Variants in TACC1 observed in about 807,000 individuals in gnomAD.
TACC1 encodes the protein transforming acidic coiled-coil containing protein 1.
A neutral mutation model predicts 84.4 loss-of-function variants in TACC1; 48 were observed. The ratio of observed to expected loss-of-function variants is 0.57; its 90% CI spans 0.45 to 0.72. The LOEUF is 0.72. Ranked by LOEUF, TACC1 falls within the 30% of genes least tolerant of loss-of-function variation. The probability of loss-of-function intolerance (pLI) is 0.00; values close to 1 mark genes in which losing one functional copy is unlikely to be tolerated. For missense variants in TACC1, 920 were observed against 973.0 expected, an observed-to-expected ratio of 0.95 and a Z score of 0.72; for synonymous variants, 372 against 376.3, an observed-to-expected ratio of 0.99 and a Z score of 0.13.
At chr8:38,786,938 G>T (rs1482540037), upstream of TACC1, among the ~76,000 whole-genome samples, 1 of 152,038 alleles carries the variant, frequency 6.6e-6, no homozygotes, top group African/African-American at 2.4e-5. Context: ...AAGGAATAAG[G>T]AAAGAGGAAG....
In TACC1 at chr8:38,820,035, A is replaced by G. The variant is rs777213190; in HGVS notation, c.791A>G (p.Tyr264Cys). 2.3e-5 allele frequency: 37 copies of G among 1,613,962 alleles called. No individual in the cohort carries two copies. Among genetic ancestry groups the G allele is most frequent in the Non-Finnish European group, 2.9e-5 (34 of 1,180,040 alleles). Residue 264 changes from tyrosine (Y) to cysteine (C), a missense_variant, in exon 3 of 13, where the codon TAT becomes TGT. Around this residue, in one of 2 missense-constraint regions of TACC1, gnomAD observed 762 missense variants for 747.3 expected, o/e 1.02. Transcript: ENST00000317827. ...VEGTPLPKASYHFSPEELDEN... is the reference protein window; with the variant it reads ...VEGTPLPKASCHFSPEELDEN... ...GGCACACCTCTCCCCAAGGCATCCTATCACTTCAGTCCTGAAGAGTTGGAT... is the reference window on the plus strand; with the variant it reads ...GGCACACCTCTCCCCAAGGCATCCTGTCACTTCAGTCCTGAAGAGTTGGAT...
In TACC1 at chr8:38,819,539, G is replaced by A. The variant is rs1826182171; in HGVS notation, c.295G>A (p.Glu99Lys). Residue 99 changes from glutamate (E) to lysine (K), a missense_variant, in exon 3 of 13, where the codon GAA becomes AAA. By Grantham distance (56) the Glu-to-Lys change is moderately conservative. Around this residue, in one of 2 missense-constraint regions of TACC1, gnomAD observed 762 missense variants for 747.3 expected, o/e 1.02. Coordinates refer to ENST00000317827, the MANE Select transcript of TACC1 (RefSeq NM_006283.3). ...AKSQESQEAD[E>K]QLVAEVVEKC... The stretch of plus-strand genomic sequence containing the variant: ...CATTTTAGAATCACAAGAAGCTGAT[G>A]AACAGCTTGTAGCAGAAGTGGTTGA... 2 of 1,607,384 alleles carry A rather than the reference G, an allele frequency of 1.2e-6. No individual in the cohort carries two copies. Among genetic ancestry groups the A allele is most frequent in the African/African-American group, 1.3e-5 (1 of 74,748 alleles).
chr8:38,747,599 A>C (rs1330774843), intron 3 of TACC1, among the ~76,000 whole-genome samples: 2 of 152,214 alleles, frequency 1.3e-5, no homozygotes, highest in East Asian at 3.8e-4. Flanking sequence ...AGCCAATTTG[A>C]AAGGGCTGTG....
chr8:38,774,668 T>C (rs1194970393), intron 3 of TACC1, among the ~76,000 whole-genome samples: 3 of 152,142 alleles, frequency 2.0e-5, no homozygotes, highest in Non-Finnish European at 4.4e-5. Flanking sequence ...AATTTTTTTT[T>C]GTTTTTGTTT....
intron 9 of TACC1, 141 bp downstream of exon 9, chr8:38,840,408 A>G (rs1175570437): frequency 1.0e-5 from 7 of 687,102 alleles, no homozygotes; most frequent in Non-Finnish European, 2.4e-6. Flanking sequence ...GGAGAGTTCA[A>G]GGTGCCCACA....
chr8:38,783,106 C>A (rs7817361), upstream of TACC1, among the ~76,000 whole-genome samples: 6,326 of 86,782 alleles, frequency 0.073, 156 homozygotes, highest in East Asian at 0.12. Flanking sequence ...ATCTATCTAT[C>A]TATATATATA....
intron 2 of TACC1, among the ~76,000 whole-genome samples, chr8:38,809,863 A>G (rs974729720): frequency 6.6e-6 from 1 of 152,172 alleles, no homozygotes; most frequent in Non-Finnish European, 1.5e-5. Flanking sequence ...GTTTTCTGGA[A>G]GCTGTAGGGA....
At chr8:38,837,253 A>T (rs1343763381) in intron 7 of TACC1, among the ~76,000 whole-genome samples, 4 of 59,144 alleles carry the variant, frequency 6.8e-5, no homozygotes, top group African/African-American at 1.8e-4. Flanking sequence ...CATCTCTACT[A>T]AAAAAAAAAA....
chr8:38,781,175 C>A (rs1815874833), intron 3 of TACC1, among the ~76,000 whole-genome samples: 1 of 152,034 alleles, frequency 6.6e-6, no homozygotes, highest in South Asian at 2.1e-4. Flanking sequence ...TTCTTAGTGA[C>A]AAGAAGACGT....
At chr8:38,784,498 G>A, upstream of TACC1, among the ~76,000 whole-genome samples, 1 of 152,006 alleles carries the variant, frequency 6.6e-6, no homozygotes, top group East Asian at 1.9e-4. Context: ...AACCCAGGAG[G>A]CGGAGGTTGC....
chr8:38,766,977 G>A (rs1329221735), intron 3 of TACC1, among the ~76,000 whole-genome samples: 1 of 152,184 alleles, frequency 6.6e-6, no homozygotes, highest in Non-Finnish European at 1.5e-5. Context: ...GTAAATGTTT[G>A]AGAAAACATC....
At chr8:38,766,404 G>C (rs1238111625) in intron 3 of TACC1, among the ~76,000 whole-genome samples, 1 of 152,194 alleles carries the variant, frequency 6.6e-6, no homozygotes, top group Non-Finnish European at 1.5e-5. Context: ...TTAGAGTCCT[G>C]TCTATTTTTG....
chr8:38,786,193 C>T (rs1270631584), upstream of TACC1, among the ~76,000 whole-genome samples: 1 of 152,110 alleles, frequency 6.6e-6, no homozygotes, highest in East Asian at 1.9e-4. Context: ...ATCATTAAGC[C>T]TGGTGTTTGA....
intron 6 of TACC1, among the ~76,000 whole-genome samples, chr8:38,831,608 A>G (rs1588076731): frequency 6.6e-6 from 1 of 151,978 alleles, no homozygotes; most frequent in African/African-American, 2.4e-5. Flanking sequence ...TGATCCTTCT[A>G]CCACAGCCTC....
At chr8:38,764,283 G>T (rs1811787753) in intron 3 of TACC1, among the ~76,000 whole-genome samples, 1 of 151,874 alleles carries the variant, frequency 6.6e-6, no homozygotes, top group Non-Finnish European at 1.5e-5. Context: ...TCACCAAGTT[G>T]GCCAGGCTGG....
At chr8:38,831,289 T>C (rs779931243) in intron 6 of TACC1, 112 bp downstream of exon 6, 7 of 1,061,864 alleles carry the variant, frequency 6.6e-6, no homozygotes, top group Non-Finnish European at 8.6e-6. Context: ...GAGGATAAAA[T>C]GTAAATGAGA....
intron 2 of TACC1, among the ~76,000 whole-genome samples, chr8:38,818,656 G>C (rs1345566077): frequency 6.6e-6 from 1 of 152,110 alleles, no homozygotes; most frequent in Non-Finnish European, 1.5e-5. Flanking sequence ...TTTCAAATTA[G>C]CTTTCTTATT....
At chr8:38,794,145 A>G (rs1354397158) in intron 2 of TACC1, among the ~76,000 whole-genome samples, 1 of 152,166 alleles carries the variant, frequency 6.6e-6, no homozygotes, top group East Asian at 1.9e-4. Flanking sequence ...AATGAACTTG[A>G]TTTTCAATTG....
intron 3 of TACC1, among the ~76,000 whole-genome samples, chr8:38,769,535 C>T (rs1321627937): frequency 1.1e-5 from 1 of 94,408 alleles, no homozygotes; most frequent in Non-Finnish European, 2.0e-5. Flanking sequence ...ATATGTGAGA[C>T]TGTGTATGGG....
Sources: gnomAD v4.1 joint callset for allele counts (sites outside exome capture counted in the v4.1 genomes callset) on GRCh38, gnomAD v4.1.1 for gene constraint, gnomAD v4.1.1 regional missense constraint, MANE v1.5 for transcripts, NCBI Gene and HGNC (gene_info 2026-07-23, HGNC 2026-07-21) for gene names.